The following WWP2 variants were observed in gnomAD, a reference collection of about 807,000 sequenced individuals.
WWP2 encodes the protein WW domain containing E3 ubiquitin protein ligase 2.
Under a neutral mutation model 121.0 loss-of-function variants are expected in WWP2, and 57 were observed. That is an observed-to-expected ratio of 0.47 (90% confidence interval 0.38 to 0.59). The LOEUF is 0.59. Ranked by LOEUF, WWP2 falls within the 20% of genes least tolerant of loss-of-function variation. The pLI, the probability that WWP2 is intolerant of heterozygous loss-of-function variation, is 0.00. For synonymous variants in WWP2, 449 were observed against 441.3 expected, an observed-to-expected ratio of 1.02 and a Z score of -0.22; for missense variants, 962 against 1,158.9, an observed-to-expected ratio of 0.83 and a Z score of 2.47.
chr16:69,931,961 G>A, intron 16 of WWP2, 71 bp downstream of exon 16: 1 of 1,414,442 alleles, frequency 7.1e-7, no homozygotes, highest in South Asian at 1.2e-5. Context: ...TGGCCAGAAA[G>A]CTGCCTGCCC....
At position 69,840,105 on chromosome 16, in the gene WWP2, GT is replaced by G. The variant is rs1567696462; in HGVS notation, c.341-19del. ...GGTGCATTCTCTTTAGCCCATCCAT[GT>G]TGCCTTTTGTACCCCACAGTGGAGA... On this transcript the variant is annotated intron_variant, in intron 4 of 23. Coordinates refer to ENST00000359154, the MANE Select transcript of WWP2 (RefSeq NM_001270454.2). The G allele has an allele frequency of 4.3e-6, 7 of 1,614,068 alleles. No individual in the cohort carries two copies. In the South Asian group the frequency reaches 6.6e-5, roughly 15 times the overall value.
chr16:69,802,640 G>A (rs892703745), intron 4 of WWP2, among the ~76,000 whole-genome samples: 1 of 148,534 alleles, frequency 6.7e-6, no homozygotes, highest in Admixed American at 6.8e-5. Context: ...TCGCACTGTC[G>A]CTCAGGCTGG....
chr16:69,797,707 G>A (rs1445901194), intron 2 of WWP2, among the ~76,000 whole-genome samples: 1 of 150,964 alleles, frequency 6.6e-6, no homozygotes, highest in African/African-American at 2.4e-5. Flanking sequence ...TGGCCAACAT[G>A]GTGAAACCCT....
Position 69,908,861 on chromosome 16 carries a change from A to G in WWP2, c.1004+11A>G. On this transcript the variant is annotated intron_variant, in intron 9 of 23. Coordinates refer to ENST00000359154, the MANE Select transcript of WWP2 (RefSeq NM_001270454.2). The stretch of plus-strand genomic sequence containing the variant: ...GCCCCTTCCTCCAGGGTAGGTCATC[A>G]ACTGAGAAGACCTGAGACTCTGGAA... 1 of 1,614,160 alleles carries G rather than the reference A, an allele frequency of 6.2e-7. No individual in the cohort carries two copies. Among genetic ancestry groups the G allele is most frequent in the Non-Finnish European group, 8.5e-7 (1 of 1,180,014 alleles).
rs2058821173 is a variant in WWP2 at position 69,937,713 on chromosome 16, C to A, written c.2343+61C>A. The A allele has an allele frequency of 1.3e-6, 2 of 1,534,866 alleles. No individual in the cohort carries two copies. The highest frequency in any genetic ancestry group is 1.8e-6 in the Non-Finnish European group (2 of 1,114,292). On this transcript the variant is annotated intron_variant, in intron 21 of 23. Coordinates refer to ENST00000359154, the MANE Select transcript of WWP2 (RefSeq NM_001270454.2). This position sits in a 1 kb window ranked among gnomAD's most constrained non-coding sequence, Gnocchi z 6.6. ...GGGCCATCAACCAAAGGAAACGGGT[C>A]CTGAGGAGGCCTCACGCGCAAGGAC... is the stretch of plus-strand genomic sequence containing the variant.
intron 6 of WWP2, among the ~76,000 whole-genome samples, chr16:69,856,730 C>A (rs368750070): frequency 1.3e-5 from 2 of 151,720 alleles, no homozygotes; most frequent in African/African-American, 2.4e-5. Flanking sequence ...GCTGAGATCA[C>A]GCCACTGCAC....
rs758604668 is a variant in WWP2 at position 69,939,969 on chromosome 16, C to T, written c.*29C>T. 6.3e-6 allele frequency: 10 copies of T among 1,587,422 alleles called. No individual in the cohort carries two copies. Among genetic ancestry groups the T allele is most frequent in the African/African-American group, 4.0e-5 (3 of 74,454 alleles). On this transcript the variant is annotated 3_prime_UTR_variant, in exon 24 of 24. Transcript: ENST00000359154. ...AGGCCGCCCCTCCCACGCCCCCCAG[C>T]GCACATGTAGTCCTGAGTCCTCCCT... is the stretch of plus-strand genomic sequence containing the variant.
intron 2 of WWP2, among the ~76,000 whole-genome samples, chr16:69,792,011 T>G (rs902594922): frequency 3.3e-5 from 5 of 152,218 alleles, no homozygotes; most frequent in Non-Finnish European, 2.9e-5. Flanking sequence ...GGTAATACCA[T>G]TCAGGAAAAT....
chr16:69,887,323 A>T (rs186780785), intron 7 of WWP2, among the ~76,000 whole-genome samples: 3 of 152,308 alleles, frequency 2.0e-5, no homozygotes, highest in African/African-American at 7.2e-5. Context: ...GGTGCTAGTC[A>T]TGTCTAGCAA....
At position 69,930,192 on chromosome 16, in the gene WWP2, G is replaced by A. The variant is rs746530540; in HGVS notation, c.1379G>A (p.Arg460Gln). The A allele has an allele frequency of 2.8e-5, 45 of 1,613,928 alleles. No individual in the cohort carries two copies. Among genetic ancestry groups the A allele is most frequent in the Non-Finnish European group, 2.6e-5 (31 of 1,179,982 alleles). The change falls in exon 13 of 24, where the codon CGA becomes CAA. Residue 460 changes from arginine to glutamine, a missense_variant. Around this residue, in one of 3 missense-constraint regions of WWP2, gnomAD observed 606 missense variants for 772.6 expected, o/e 0.78. Transcript: ENST00000359154. Reference sequence around the variant, plus strand: ...ATGAAATACACCAGCGAGGGGGTGCGATACTTTGTGGACCACAATACCCGC... The same window carrying A: ...ATGAAATACACCAGCGAGGGGGTGCAATACTTTGTGGACCACAATACCCGC... ...WEMKYTSEGVRYFVDHNTRTT... is the reference protein window; with the variant it reads ...WEMKYTSEGVQYFVDHNTRTT...
In WWP2 at chr16:69,939,223, G is replaced by A. The variant is rs1805399911; in HGVS notation, c.2440+100G>A. 5 of 1,556,832 alleles carry A rather than the reference G, an allele frequency of 3.2e-6. No individual in the cohort carries two copies. The African/African-American group carries it at 4.1e-5, about 13-fold the overall frequency. ...TTCCTGGAAGCACGTCAGTGGGATG[G>A]AGAAGAGCTGTGGCCTCTGCATCCT... On this transcript the variant is annotated intron_variant, in intron 22 of 23. Transcript: ENST00000359154.
chr16:69,777,158 A>G (rs2055550520), intron 1 of WWP2, among the ~76,000 whole-genome samples: 3 of 151,818 alleles, frequency 2.0e-5, no homozygotes, highest in South Asian at 2.1e-4. Flanking sequence ...TGTATATACA[A>G]TACACATATG....
intron 11 of WWP2, among the ~76,000 whole-genome samples, chr16:69,929,193 A>G (rs923708171): frequency 5.3e-5 from 8 of 151,700 alleles, no homozygotes; most frequent in Admixed American, 5.2e-4. Context: ...CCCTCCGACC[A>G]ATCAACCAAA....
chr16:69,768,734 C>A (rs1414531606), intron 1 of WWP2, among the ~76,000 whole-genome samples: 1 of 152,244 alleles, frequency 6.6e-6, no homozygotes, highest in Non-Finnish European at 1.5e-5. Context: ...ATCTGCTTTC[C>A]AGTCAGCCTC....
At chr16:69,885,456 A>G (rs1033468304) in intron 7 of WWP2, among the ~76,000 whole-genome samples, 1 of 152,242 alleles carries the variant, frequency 6.6e-6, no homozygotes, top group Non-Finnish European at 1.5e-5. Flanking sequence ...AAACAAGCAA[A>G]TAAATCATAG....
Position 69,925,966 on chromosome 16 carries a change from T to C in WWP2, c.1234+482T>C, listed in dbSNP as rs913423109. 8 of 153,442 alleles carry C rather than the reference T, an allele frequency of 5.2e-5. No individual in the cohort carries two copies. The highest frequency in any genetic ancestry group is 2.1e-4 in the South Asian group (1 of 4,842). The allele number at this position is 153,442 out of a possible 1,614,324, so 9.5% of individuals were successfully genotyped here. A position where few individuals can be genotyped will look rare whatever the true frequency, so the allele number is the denominator to read the frequency against. On this transcript the variant is annotated intron_variant, in intron 11 of 23. Transcript: ENST00000359154. The surrounding 1 kb of genome is among the most constrained non-coding windows in gnomAD (Gnocchi z 4.0). Reference sequence around the variant, plus strand: ...TTTTGACTAATAGAAGCCACCTTTTTATTTCTGACATAGCTGTGAAAGAGG... The same window carrying C: ...TTTTGACTAATAGAAGCCACCTTTTCATTTCTGACATAGCTGTGAAAGAGG...
chr16:69,770,172 T>G (rs1299918433), intron 1 of WWP2, among the ~76,000 whole-genome samples: 1 of 152,184 alleles, frequency 6.6e-6, no homozygotes, highest in Non-Finnish European at 1.5e-5. Flanking sequence ...AGTGTCTTTT[T>G]GTGTGCTAAT....
Position 69,849,386 on chromosome 16 carries a change from G to GTCC in WWP2, c.575+7270_575+7272dup, listed in dbSNP as rs374146382. Among the ~76,000 whole-genome samples the GTCC allele has an allele frequency of 5.8e-3, 884 of 152,338 alleles. 11 individuals carry two copies. Among genetic ancestry groups the GTCC allele is most frequent in the African/African-American group, 0.02 (844 of 41,564 alleles). ...GAGATGTTGCCCTGTCAGCAGGAAA[G>GTCC]TCCTCCCATGCAGTAGCTTATGCTT... On this transcript the variant is annotated intron_variant, in intron 6 of 23. Coordinates refer to ENST00000359154, the MANE Select transcript of WWP2 (RefSeq NM_001270454.2).
At chr16:69,926,221 G>A (rs1464947489) in intron 11 of WWP2, 3 of 152,314 alleles carry the variant, frequency 2.0e-5, no homozygotes, top group Non-Finnish European at 2.9e-5. Context: ...TGCAAAAAGG[G>A]TCATTAGAGA....
Sources: allele counts gnomAD v4.1 joint callset (sites outside exome capture counted in the v4.1 genomes callset), GRCh38; gene constraint gnomAD v4.1.1; regional missense constraint gnomAD v4.1.1; non-coding constraint Gnocchi (gnomAD v3.1); transcripts MANE v1.5; gene names NCBI Gene and HGNC (gene_info 2026-07-23, HGNC 2026-07-21).